The following ZNF782 variants were observed in gnomAD, a reference collection of about 807,000 sequenced individuals.
ZNF782 encodes the protein zinc finger protein 782.
ZNF782 carries 12 observed loss-of-function variants against 13.0 expected under a neutral mutation model. The observed-to-expected ratio is 0.92, with a 90% CI of 0.59 to 1.50. The LOEUF (loss-of-function observed/expected upper bound fraction) is 1.50, where lower values mean the gene tolerates loss of function less well. Among genes scored for constraint, ZNF782 ranks in the 40% most tolerant of loss-of-function variants. The probability of loss-of-function intolerance (pLI) is 0.00; values close to 1 mark genes in which losing one functional copy is unlikely to be tolerated. For synonymous variants in ZNF782, 284 were observed against 283.0 expected (o/e 1.00, Z -0.04); for missense variants, 770 against 822.9 (o/e 0.94, Z 0.79).
At chr9:96,878,401 T>G (rs1350592416), upstream of ZNF782, among the ~76,000 whole-genome samples, 2 of 152,210 alleles carry the variant, frequency 1.3e-5, no homozygotes, top group African/African-American at 4.8e-5. Flanking sequence ...TTTAAAAAAT[T>G]TAGACACTGC....
At chr9:96,901,559 G>A in the ZNF782 span, among the ~76,000 whole-genome samples, 3 of 151,882 alleles carry the variant, frequency 2.0e-5, no homozygotes, top group Admixed American at 6.6e-5. Context: ...GACGTGAGCC[G>A]CTGCGCCCAG....
At chr9:96,841,852 T>C (rs1242187775) in intron 4 of ZNF782, among the ~76,000 whole-genome samples, 1 of 151,802 alleles carries the variant, frequency 6.6e-6, no homozygotes, top group African/African-American at 2.4e-5. Context: ...AGAAGTCCTA[T>C]CCAGTGTAAT....
At chr9:96,855,601 T>A (rs1278594329), upstream of ZNF782, among the ~76,000 whole-genome samples, 4 of 152,366 alleles carry the variant, frequency 2.6e-5, no homozygotes, top group Non-Finnish European at 5.9e-5. Context: ...TTCCTTTTTA[T>A]GGCTAAGTAG....
intron 5 of ZNF782, among the ~76,000 whole-genome samples, chr9:96,823,028 A>G (rs1397174768): frequency 1.3e-5 from 2 of 152,162 alleles, no homozygotes; most frequent in Admixed American, 6.5e-5. Context: ...TCCAGAGCAG[A>G]GTTGTGAAAG....
the ZNF782 span, among the ~76,000 whole-genome samples, chr9:96,902,718 ATATTT>A: frequency 6.9e-6 from 1 of 144,240 alleles, no homozygotes; most frequent in Non-Finnish European, 1.5e-5. Flanking sequence ...ATTATTTTAT[ATATTT>A]TAATTTTAAG....
chr9:96,879,296 G>A (rs1851933554), upstream of ZNF782, among the ~76,000 whole-genome samples: 1 of 152,146 alleles, frequency 6.6e-6, no homozygotes, highest in Admixed American at 6.5e-5. Context: ...AGACCATCCT[G>A]GCTAACACGG....
the ZNF782 span, among the ~76,000 whole-genome samples, chr9:96,897,097 T>C: frequency 6.6e-6 from 1 of 152,172 alleles, no homozygotes; most frequent in Non-Finnish European, 1.5e-5. Flanking sequence ...TGGTATACAG[T>C]TGGTCCTCTG....
At chr9:96,891,258 TTAAAA>T in the ZNF782 span, 10 of 152,332 alleles carry the variant, frequency 6.6e-5, no homozygotes, top group African/African-American at 2.2e-4. Context: ...AATTGTACAC[TTAAAA>T]TAATACATTT....
chr9:96,833,876 C>T (rs944390778), intron 4 of ZNF782, among the ~76,000 whole-genome samples: 1 of 151,884 alleles, frequency 6.6e-6, no homozygotes, highest in South Asian at 2.1e-4. Flanking sequence ...GGTTATGAAC[C>T]AATACTATGT....
chr9:96,830,739 A>G (rs1436715871), intron 4 of ZNF782, among the ~76,000 whole-genome samples: 1 of 152,224 alleles, frequency 6.6e-6, no homozygotes, highest in Non-Finnish European at 1.5e-5. Flanking sequence ...AGCAAAGACA[A>G]TCAATAGATG....
chr9:96,851,889 T>C (rs1218725033), intron 3 of ZNF782, 58 bp downstream of exon 3: 3 of 1,504,478 alleles, frequency 2.0e-6, no homozygotes, highest in Non-Finnish European at 2.8e-6. Context: ...TGCAAGGGCC[T>C]ATCTAAACCT....
chr9:96,920,043 T>C, the ZNF782 span, among the ~76,000 whole-genome samples: 2 of 151,060 alleles, frequency 1.3e-5, no homozygotes, highest in Non-Finnish European at 2.9e-5. Context: ...AAGAAGTAGG[T>C]AAACTTCTGA....
At chr9:96,931,409 C>T in the ZNF782 span, among the ~76,000 whole-genome samples, 12 of 152,070 alleles carry the variant, frequency 7.9e-5, no homozygotes, top group South Asian at 1.2e-3. Context: ...CCCTGACCCA[C>T]GGCTTGGGAG....
chr9:96,933,784 C>G, the ZNF782 span: 7 of 153,298 alleles, frequency 4.6e-5, no homozygotes, highest in African/African-American at 1.4e-4. Flanking sequence ...CAGCAGAAAC[C>G]TGGCACACAC....
chr9:96,881,441 TTA>T, the ZNF782 span, among the ~76,000 whole-genome samples: 1 of 152,158 alleles, frequency 6.6e-6, no homozygotes, highest in African/African-American at 2.4e-5. Context: ...CCAATAGATA[TTA>T]TGTTGTAAAT....
intron 4 of ZNF782, among the ~76,000 whole-genome samples, chr9:96,829,704 T>C (rs1197480792): frequency 2.0e-5 from 3 of 152,134 alleles, no homozygotes; most frequent in African/African-American, 7.2e-5. Context: ...AATCATAAGA[T>C]GGGCCCTGAA....
the ZNF782 span, among the ~76,000 whole-genome samples, chr9:96,926,119 A>G: frequency 1.5e-3 from 198 of 130,298 alleles, no homozygotes; most frequent in East Asian, 8.9e-4. Flanking sequence ...CACTTCCACA[A>G]TATACTTTTT....
At chr9:96,929,212 G>C in the ZNF782 span, among the ~76,000 whole-genome samples, 4 of 152,158 alleles carry the variant, frequency 2.6e-5, no homozygotes, top group African/African-American at 9.7e-5. Context: ...TCTGTGGTTA[G>C]GGAGGAGGGC....
At chr9:96,918,489 A>T in the ZNF782 span, among the ~76,000 whole-genome samples, 3 of 150,894 alleles carry the variant, frequency 2.0e-5, no homozygotes, top group African/African-American at 4.9e-5. Context: ...TTCAGAAGAA[A>T]ACAGGGAGAC....
Sources: gnomAD v4.1 joint callset for allele counts (sites outside exome capture counted in the v4.1 genomes callset) on GRCh38, gnomAD v4.1.1 for gene constraint, MANE v1.5 for transcripts, NCBI Gene and HGNC (gene_info 2026-07-23, HGNC 2026-07-21) for gene names.